Variants in GSE1 observed in about 807,000 individuals in gnomAD.
GSE1 encodes the protein genetic suppressor element 1.
A neutral mutation model predicts 112.6 loss-of-function variants in GSE1; 32 were observed. The ratio of observed to expected loss-of-function variants is 0.28; its 90% CI spans 0.21 to 0.38. GSE1 has a LOEUF of 0.38. GSE1 is among the 10% of genes least tolerant of loss of function. The probability of loss-of-function intolerance (pLI) is 1.00; values close to 1 mark genes in which losing one functional copy is unlikely to be tolerated. For synonymous variants in GSE1, 1,115 were observed against 735.6 expected, an observed-to-expected ratio of 1.52 and a Z score of -8.35; for missense variants, 2,348 against 1,699.2, an observed-to-expected ratio of 1.38 and a Z score of -6.71.
At chr16:85,331,499 G>A (rs866287648) in intron 1 of GSE1, among the ~76,000 whole-genome samples, 6,257 of 131,972 alleles carry the variant, frequency 0.047, 276 homozygotes, top group East Asian at 0.11. Flanking sequence ...ATGTGTATAT[G>A]TGTATATATG....
chr16:85,322,135 C>T (rs1362531919), intron 1 of GSE1, among the ~76,000 whole-genome samples: 5 of 152,258 alleles, frequency 3.3e-5, no homozygotes, highest in African/African-American at 4.8e-5. Flanking sequence ...CCTTCCAAGG[C>T]GCTCAGAGCA....
At chr16:85,582,371 G>T (rs2046485244) in intron 1 of GSE1, among the ~76,000 whole-genome samples, 1 of 152,252 alleles carries the variant, frequency 6.6e-6, no homozygotes, top group South Asian at 2.1e-4. Flanking sequence ...GTTCATGGGG[G>T]ATGGGGAAGC....
chr16:85,626,952 C>T (rs2049120742), intron 1 of GSE1, among the ~76,000 whole-genome samples: 1 of 146,982 alleles, frequency 6.8e-6, no homozygotes, highest in African/African-American at 2.5e-5. Context: ...TTCTGAAGAA[C>T]TAAGAACGAG....
chr16:85,433,588 C>CTGGATGGATGGATGGA, intron 2 of GSE1, among the ~76,000 whole-genome samples: 1 of 150,062 alleles, frequency 6.7e-6, no homozygotes, highest in East Asian at 2.0e-4. Flanking sequence ...GAGAAGGATC[C>CTGGATGGATGGATGGA]TGGATGGATG....
At chr16:85,646,207 A>G (rs539768069) in intron 2 of GSE1, among the ~76,000 whole-genome samples, 109 of 150,338 alleles carry the variant, frequency 7.3e-4, no homozygotes, top group Non-Finnish European at 1.4e-3. Context: ...CTTCCTATGC[A>G]TGCATTCTAC....
chr16:85,613,947 G>A (rs79333981), intron 1 of GSE1, among the ~76,000 whole-genome samples: 1 of 150,290 alleles, frequency 6.7e-6, no homozygotes, highest in Non-Finnish European at 1.5e-5. Flanking sequence ...TGTCTCGGGG[G>A]AGTTGGTCGG....
chr16:85,670,961 A>T, intron 14 of GSE1, 34 bp from the exon 15 acceptor site: 1 of 1,365,638 alleles, frequency 7.3e-7, no homozygotes, highest in Non-Finnish European at 1.0e-6. Flanking sequence ...GCTCCTGCAT[A>T]CGGAAAATAC....
chr16:85,419,455 AG>A lies in GSE1; in HGVS notation c.2464+61813del, dbSNP rs1472433004. Among the ~76,000 whole-genome samples, 2 of 151,962 alleles carry A rather than the reference AG, an allele frequency of 1.3e-5. No homozygotes were observed. Among genetic ancestry groups the A allele is most frequent in the African/African-American group, 4.8e-5 (2 of 41,378 alleles). Reference sequence around the variant, plus strand: ...TAGTGAGACCCTGTCTACGAACAAAAGTTAGCCAGGCGTGGTGGTGCACATC... The same window carrying A: ...TAGTGAGACCCTGTCTACGAACAAAATTAGCCAGGCGTGGTGGTGCACATC... On this transcript the variant is annotated intron_variant, in intron 2 of 2. Coordinates refer to the GSE1 transcript ENST00000637419. The surrounding 1 kb of genome is among the most constrained non-coding windows in gnomAD (Gnocchi z 6.5).
At chr16:85,246,578 C>T (rs928630738) in intron 1 of GSE1, among the ~76,000 whole-genome samples, 1 of 145,982 alleles carries the variant, frequency 6.9e-6, no homozygotes, top group Non-Finnish European at 1.5e-5. Context: ...TGTCCCCAGT[C>T]GTCTAATTAT....
chr16:85,578,299 A>G (rs981339554), intron 1 of GSE1, among the ~76,000 whole-genome samples: 7 of 152,214 alleles, frequency 4.6e-5, no homozygotes, highest in Non-Finnish European at 1.0e-4. Context: ...TTTCACCTGA[A>G]TGCCATGGAT....
At chr16:85,290,646 A>G (rs2045181917) in intron 1 of GSE1, among the ~76,000 whole-genome samples, 1 of 152,036 alleles carries the variant, frequency 6.6e-6, no homozygotes, top group Non-Finnish European at 1.5e-5. Context: ...TTTTTCCAAC[A>G]TACACCGCTG....
At chr16:85,428,825 G>A (rs1597726966) in intron 2 of GSE1, among the ~76,000 whole-genome samples, 1 of 152,284 alleles carries the variant, frequency 6.6e-6, no homozygotes, top group African/African-American at 2.4e-5. Context: ...GGGGAAAATC[G>A]ATTCTGCTTC....
chr16:85,656,760 A>G, intron 7 of GSE1, 95 bp downstream of exon 7: 1 of 1,423,728 alleles, frequency 7.0e-7, no homozygotes. Context: ...CGTGGTGTAA[A>G]TGTTCCCCAG....
intron 1 of GSE1, among the ~76,000 whole-genome samples, chr16:85,203,222 G>A (rs1204878995): frequency 6.6e-6 from 1 of 152,104 alleles, no homozygotes; most frequent in African/African-American, 2.4e-5. Context: ...CTCAGCATGC[G>A]TTTGCGATGG....
In GSE1 at chr16:85,419,648, G is replaced by A. The variant is rs1305284758; in HGVS notation, c.2464+62005G>A. Among the ~76,000 whole-genome samples, 1 of 151,974 alleles carries A rather than the reference G, an allele frequency of 6.6e-6. No individual in the cohort carries two copies. Among genetic ancestry groups the A allele is most frequent in the East Asian group, 1.9e-4 (1 of 5,180 alleles). On this transcript the variant is annotated intron_variant, in intron 2 of 2. Coordinates refer to the GSE1 transcript ENST00000637419. The surrounding 1 kb of genome is among the most constrained non-coding windows in gnomAD (Gnocchi z 6.5). ...AACAAAAAACAAAAAATAACATTATGCCAGAACATGCCAGCCTTTCTCATG... is the reference window on the plus strand; with the variant it reads ...AACAAAAAACAAAAAATAACATTATACCAGAACATGCCAGCCTTTCTCATG...
At chr16:85,584,648 G>A (rs73269287) in intron 1 of GSE1, among the ~76,000 whole-genome samples, 7,388 of 152,108 alleles carry the variant, frequency 0.049, 574 homozygotes, top group African/African-American at 0.16. Context: ...ATCTGAGGCT[G>A]GTACTTGGTA....
chr16:85,585,038 G>A (rs2046624442), intron 1 of GSE1, among the ~76,000 whole-genome samples: 1 of 152,250 alleles, frequency 6.6e-6, no homozygotes. Context: ...CCAGCGTATG[G>A]GGCAGGAGCT....
chr16:85,513,454 G>A (rs1023312764), intron 2 of GSE1, among the ~76,000 whole-genome samples: 8 of 152,054 alleles, frequency 5.3e-5, no homozygotes, highest in Non-Finnish European at 8.8e-5. Context: ...AGCACTAGCC[G>A]TCCCCACTGT....
intron 1 of GSE1, among the ~76,000 whole-genome samples, chr16:85,615,753 C>A (rs184343942): frequency 6.6e-6 from 1 of 152,204 alleles, no homozygotes; most frequent in Non-Finnish European, 1.5e-5. Flanking sequence ...GGGGCTTGTA[C>A]ATCTCCAAAC....
Sources: gnomAD v4.1 joint callset for allele counts (sites outside exome capture counted in the v4.1 genomes callset) on GRCh38, gnomAD v4.1.1 for gene constraint, Gnocchi (gnomAD v3.1) non-coding constraint, MANE v1.5 for transcripts, NCBI Gene and HGNC (gene_info 2026-07-23, HGNC 2026-07-21) for gene names.